Variants in PLCH2 observed in about 807,000 individuals in gnomAD.
The protein encoded by PLCH2 is 1-phosphatidylinositol 4,5-bisphosphate phosphodiesterase eta-2.
In PLCH2, 98 loss-of-function variants were observed where a neutral mutation model predicts 134.7. The observed-to-expected ratio is 0.73, with a 90% CI of 0.62 to 0.86. PLCH2 has a LOEUF of 0.86. PLCH2 is among the 40% of genes least tolerant of loss of function. The pLI is 0.00. For missense variants in PLCH2, 1,994 were observed against 1,986.6 expected, an observed-to-expected ratio of 1.00 and a Z score of -0.07; for synonymous variants, 974 against 827.5, an observed-to-expected ratio of 1.18 and a Z score of -3.04.
chr1:2,428,549 C>T (rs562772209), intron 1 of PLCH2, among the ~76,000 whole-genome samples: 3 of 152,376 alleles, frequency 2.0e-5, no homozygotes, highest in Non-Finnish European at 2.9e-5. Flanking sequence ...CATGGTCCTC[C>T]GTGGCCTCGC....
chr1:2,505,383 A>C lies in PLCH2; in HGVS notation c.*170A>C. On this transcript the variant is annotated 3_prime_UTR_variant, in exon 22 of 22. Coordinates refer to ENST00000378486, the MANE Select transcript of PLCH2 (RefSeq NM_014638.4). Reference sequence around the variant, plus strand: ...CCCTGCTCCCGGGGAGGAAAGGCTAAAGCTGCTGGCCCGGGGCCCACAGGA... The same window carrying C: ...CCCTGCTCCCGGGGAGGAAAGGCTACAGCTGCTGGCCCGGGGCCCACAGGA... The C allele has an allele frequency of 1.7e-6, 1 of 597,372 alleles. No homozygotes were observed. 37.0% of individuals were successfully genotyped at this position (597,372 alleles called of 1,614,324 possible). A position where few individuals can be genotyped will look rare whatever the true frequency, so the allele number is the denominator to read the frequency against.
chr1:2,473,827 T>G (rs1433537399), upstream of PLCH2, among the ~76,000 whole-genome samples: 1 of 152,218 alleles, frequency 6.6e-6, no homozygotes, highest in Non-Finnish European at 1.5e-5. Context: ...GGAGCCTATA[T>G]CTGCCCGACC....
At position 2,502,348 on chromosome 1, in the gene PLCH2, C is replaced by T. The variant is rs1159101337; in HGVS notation, c.2898C>T (p.Pro966=). 2.6e-5 allele frequency: 40 copies of T among 1,537,320 alleles called. No homozygotes were observed. Among genetic ancestry groups the T allele is most frequent in the East Asian group, 1.2e-4 (5 of 40,772 alleles). The change falls in exon 21 of 22, where the codon CCC becomes CCT. Residue 966 remains proline (P), a synonymous_variant. Transcript: ENST00000378486. Reference sequence around the variant, plus strand: ...GGGTGGCAGACGATGTGGTGCCCCCCGGGCCCGGACCTGCTCCGGAAGCCC... The same window carrying T: ...GGGTGGCAGACGATGTGGTGCCCCCTGGGCCCGGACCTGCTCCGGAAGCCC... ...SKGVADDVVP[P]GPGPAPEAPA...
At chr1:2,482,144 G>A (rs1205073897) in intron 4 of PLCH2, among the ~76,000 whole-genome samples, 1 of 152,262 alleles carries the variant, frequency 6.6e-6, no homozygotes, top group Non-Finnish European at 1.5e-5. Flanking sequence ...GATGCCACGT[G>A]ACTGTGTCAG....
At chr1:2,491,929 A>G (rs1642608362) in intron 11 of PLCH2, among the ~76,000 whole-genome samples, 1 of 150,930 alleles carries the variant, frequency 6.6e-6, no homozygotes, top group Admixed American at 6.6e-5. Context: ...CGAAGGAGCC[A>G]GGAGCTGTGG....
chr1:2,502,255 G>T lies in PLCH2; in HGVS notation c.2805G>T (p.Lys935Asn). ...ILRRTASAPT[K>N]SQKPGRRGFP... ...GGCGCACGGCCAGCGCCCCGACCAA[G>T]AGCCAGAAGCCGGGCCGCAGGGGCT... The change falls in exon 21 of 22, where the codon AAG (lysine) becomes AAT (asparagine). Residue 935 changes from lysine to asparagine, a missense_variant. Physicochemically the swap from Lys to Asn is moderately conservative, Grantham distance 94 (BLOSUM62 0). Around this residue, in one of 2 missense-constraint regions of PLCH2, gnomAD observed 900 missense variants for 752.3 expected, o/e 1.20. Transcript: ENST00000378486. The T allele has an allele frequency of 1.3e-6, 2 of 1,541,912 alleles. No homozygotes were observed. The highest frequency in any genetic ancestry group is 1.7e-6 in the Non-Finnish European group (2 of 1,144,892).
At chr1:2,416,094 C>T in the PLCH2 span, among the ~76,000 whole-genome samples, 3 of 152,212 alleles carry the variant, frequency 2.0e-5, no homozygotes, top group African/African-American at 7.2e-5. Context: ...GGTGCTGCCC[C>T]CTGTGCCCCC....
In PLCH2 at chr1:2,496,876, A is replaced by G; in HGVS notation, c.1982A>G (p.Gln661Arg). ...TCCTTCAGCGAGACCAAGGCCCACC[A>G]GATTCTGCAGCAGAAGCCGGCGCAG... is the stretch of plus-strand genomic sequence containing the variant. ...VSSFSETKAH[Q>R]ILQQKPAQYL... Residue 661 changes from glutamine to arginine, a missense_variant, in exon 15 of 22, where the codon CAG becomes CGG. Physicochemically the swap from Gln to Arg is conservative, Grantham distance 43. This residue lies in a region of PLCH2 where 1,094 missense variants were observed against 1,234.3 expected (regional missense o/e 0.89). Transcript: ENST00000378486. 1 of 1,612,994 alleles carries G rather than the reference A, an allele frequency of 6.2e-7. No homozygotes were observed. Among genetic ancestry groups the G allele is most frequent in the Non-Finnish European group, 8.5e-7 (1 of 1,179,846 alleles).
At chr1:2,494,727 CCTT>C in intron 11 of PLCH2, 126 bp from the exon 12 acceptor site, 1 of 509,286 alleles carries the variant, frequency 2.0e-6, no homozygotes, top group Non-Finnish European at 3.9e-6. Flanking sequence ...CTCCCGTCTG[CCTT>C]ACTCCAGACC....
chr1:2,422,424 A>C (rs184547209), upstream of PLCH2, among the ~76,000 whole-genome samples: 1 of 152,248 alleles, frequency 6.6e-6, no homozygotes, highest in Admixed American at 6.5e-5. Context: ...GTTTGTCTGC[A>C]TCTGCGTTGC....
rs757897156 is a variant in PLCH2, at chr1:2,504,280, A to G, written c.3318A>G (p.Gly1106=). 195 of 1,594,734 alleles carry G rather than the reference A, an allele frequency of 1.2e-4. 1 individual carries two copies. In the South Asian group the frequency reaches 2.1e-3, roughly 17 times the overall value. ...SEGQVPTEPL[G]GWRPLAAPFP... is the part of the protein sequence containing the mutation. ...GGCAGGTGCCCACGGAGCCCCTGGG[A>G]GGGTGGCGGCCCCTGGCCGCTCCCT... The change falls in exon 22 of 22, where the codon GGA becomes GGG. Residue 1106 remains glycine, a synonymous_variant. Coordinates refer to ENST00000378486, the MANE Select transcript of PLCH2 (RefSeq NM_014638.4).
chr1:2,481,152 G>A (rs1641952045), intron 4 of PLCH2, among the ~76,000 whole-genome samples: 2 of 152,108 alleles, frequency 1.3e-5, no homozygotes, highest in Admixed American at 6.5e-5. Flanking sequence ...TCCAGCCCCT[G>A]CCAGCTCCTG....
intron 2 of PLCH2, among the ~76,000 whole-genome samples, chr1:2,457,904 C>T (rs1219447689): frequency 6.6e-6 from 1 of 150,930 alleles, no homozygotes; most frequent in African/African-American, 2.4e-5. Context: ...AAAGCATTTG[C>T]CAGCATAGCA....
Position 2,484,532 on chromosome 1 carries a change from C to G in PLCH2, c.730C>G (p.Leu244Val). 2 of 1,613,358 alleles carry G rather than the reference C, an allele frequency of 1.2e-6. No homozygotes were observed. Among genetic ancestry groups the G allele is most frequent in the Non-Finnish European group, 1.7e-6 (2 of 1,179,802 alleles). The part of the protein sequence containing the change: ...FYKMMSTRRD[L>V]YLLMLTYSNH... ...CAAGATGATGTCCACCCGCCGGGAC[C>G]TCTACCTGCTCATGCTGACCTACAG... Residue 244 changes from leucine (L) to valine (V), a missense_variant, in exon 5 of 22, where the codon CTC becomes GTC. By Grantham distance (32) the Leu-to-Val change is conservative. Coordinates refer to ENST00000378486, the MANE Select transcript of PLCH2 (RefSeq NM_014638.4).
rs768428730 is a variant in PLCH2, at chr1:2,504,235, T to C, written c.3273T>C (p.Ile1091=). Residue 1091 remains isoleucine (I), a synonymous_variant, in exon 22 of 22, where the codon ATT becomes ATC. Coordinates refer to ENST00000378486, the MANE Select transcript of PLCH2 (RefSeq NM_014638.4). ...QPRTLGHLPV[I]RRVKSEGQVP... is the part of the protein sequence containing the mutation. ...GGACCCTGGGCCACCTGCCCGTGAT[T>C]AGAAGGGTGAAGAGTGAGGGGCAGG... The C allele has an allele frequency of 2.5e-6, 4 of 1,577,706 alleles. No homozygotes were observed. The Admixed American group carries it at 5.5e-5, about 22-fold the overall frequency.
Position 2,429,578 on chromosome 1 carries a change from C to T in PLCH2, c.-177-760C>T, listed in dbSNP as rs1289503096. The stretch of plus-strand genomic sequence containing the variant: ...CGAGGAGGCTGTTTGGAGCCTGGGG[C>T]CCCTTCTTGGGAGCAGTGAGAATTA... On this transcript the variant is annotated intron_variant, in intron 1 of 3. Transcript: ENST00000609981. Among the ~76,000 whole-genome samples, 4 of 152,160 alleles carry T rather than the reference C, an allele frequency of 2.6e-5. No individual in the cohort carries two copies. In the South Asian group the frequency reaches 8.3e-4, roughly 32 times the overall value.
chr1:2,490,977 G>A (rs768133158), intron 10 of PLCH2, among the ~76,000 whole-genome samples: 1 of 152,250 alleles, frequency 6.6e-6, no homozygotes, highest in Non-Finnish European at 1.5e-5. Flanking sequence ...AGCCGCACAG[G>A]CTCTGCTGGG....
intron 2 of PLCH2, chr1:2,430,715 G>A (rs36005771): frequency 0.024 from 3,669 of 152,388 alleles, 98 homozygotes; most frequent in Admixed American, 0.075. Context: ...GGAGCCCAGG[G>A]ACAATACGGT....
At position 2,476,774 on chromosome 1, in the gene PLCH2, TG is replaced by T. The variant is rs1465525447; in HGVS notation, c.124+67del. Reference sequence around the variant, plus strand: ...TGGCCCTGGCCAGGTGACTGGTGGGTGGGGGCTGTTCCTGGAGGTGGGGGAA... The same window carrying T: ...TGGCCCTGGCCAGGTGACTGGTGGGTGGGGCTGTTCCTGGAGGTGGGGGAA... On this transcript the variant is annotated intron_variant, in intron 1 of 21. Transcript: ENST00000378486. 4.0e-6 allele frequency: 6 copies of T among 1,500,758 alleles called. No homozygotes were observed. The African/African-American group carries it at 8.4e-5, about 21-fold the overall frequency. The allele number at this position is 1,500,758 out of a possible 1,614,324, so 93.0% of individuals were successfully genotyped here. A position where few individuals can be genotyped will look rare whatever the true frequency, so the allele number is the denominator to read the frequency against.
Sources: gnomAD v4.1 joint callset for allele counts (sites outside exome capture counted in the v4.1 genomes callset) on GRCh38, gnomAD v4.1.1 for gene constraint, gnomAD v4.1.1 regional missense constraint, MANE v1.5 for transcripts, NCBI Gene and HGNC (gene_info 2026-07-23, HGNC 2026-07-21) for gene names.